The following PLEKHA5 variants were observed in gnomAD, a reference collection of about 807,000 sequenced individuals.
PLEKHA5 encodes the protein pleckstrin homology domain-containing family A member 5.
PLEKHA5 carries 55 observed loss-of-function variants against 181.9 expected under a neutral mutation model. That is an observed-to-expected ratio of 0.30 (90% confidence interval 0.24 to 0.38). The LOEUF is 0.38. PLEKHA5 is among the 10% of genes least tolerant of loss of function. PLEKHA5 has a pLI of 1.00. For missense variants in PLEKHA5, 1,432 were observed against 1,549.5 expected (o/e 0.92, Z 1.27); for synonymous variants, 535 against 529.4 (o/e 1.01, Z -0.15).
chr12:19,287,091 G>A (rs1173048722), intron 12 of PLEKHA5, among the ~76,000 whole-genome samples: 2 of 151,964 alleles, frequency 1.3e-5, no homozygotes, highest in Non-Finnish European at 2.9e-5. Flanking sequence ...TCTGCCTCCC[G>A]GGGTCAAGCA....
chr12:19,363,455 T>C (rs910239257), intron 29 of PLEKHA5, among the ~76,000 whole-genome samples: 6 of 145,780 alleles, frequency 4.1e-5, no homozygotes, highest in East Asian at 2.1e-4. Flanking sequence ...GCGTGAGCCA[T>C]CGTGCCTGGC....
At chr12:19,359,649 G>T in intron 28 of PLEKHA5, 103 bp downstream of exon 28, 1 of 1,162,226 alleles carries the variant, frequency 8.6e-7, no homozygotes, top group East Asian at 2.5e-5. Context: ...CAGTCACAGA[G>T]TCCATAGAGC....
At chr12:19,152,366 G>A (rs1383640144) in intron 3 of PLEKHA5, 1 of 152,164 alleles carries the variant, frequency 6.6e-6, no homozygotes, top group Non-Finnish European at 1.5e-5. Flanking sequence ...GAAACACCTG[G>A]AAATAATTTA....
Position 19,269,876 on chromosome 12 carries a change from CTG to C in PLEKHA5, c.821_822del (p.Val274GlufsTer6). On this transcript the variant is annotated frameshift_variant, in exon 9 of 32. Transcript: ENST00000429027. LOFTEE classifies it high-confidence loss of function. ...GATGCTGCCCTAGTACAGACAGAAC[CTG>C]TGAAAAGGTAAAGGCTTGTAGAAAA... 1 of 1,542,946 alleles carries C rather than the reference CTG, an allele frequency of 6.5e-7. No individual in the cohort carries two copies. The highest frequency in any genetic ancestry group is 9.0e-7 in the Non-Finnish European group (1 of 1,116,456).
intron 6 of PLEKHA5, among the ~76,000 whole-genome samples, chr12:19,259,785 TA>T (rs958709371): frequency 5.1e-5 from 4 of 78,770 alleles, no homozygotes; most frequent in Non-Finnish European, 1.3e-4. Flanking sequence ...ATTTGCCATT[TA>T]ATTTTTTTTT....
At chr12:19,237,298 T>G (rs555652608) in intron 3 of PLEKHA5, among the ~76,000 whole-genome samples, 5 of 152,304 alleles carry the variant, frequency 3.3e-5, no homozygotes, top group African/African-American at 1.2e-4. Context: ...GTCTTCCTCT[T>G]AGTCTCTCCT....
chr12:19,206,713 G>A (rs1406405357), intron 3 of PLEKHA5, among the ~76,000 whole-genome samples: 2 of 152,090 alleles, frequency 1.3e-5, no homozygotes, highest in African/African-American at 4.8e-5. Flanking sequence ...TGGCACATAT[G>A]AAGGAGGTGG....
chr12:19,370,080 T>C (rs975105852), intron 31 of PLEKHA5, among the ~76,000 whole-genome samples: 3 of 152,262 alleles, frequency 2.0e-5, no homozygotes, highest in African/African-American at 7.2e-5. Context: ...TGCAGTGTTG[T>C]GCAGCTGTGC....
intron 3 of PLEKHA5, among the ~76,000 whole-genome samples, chr12:19,190,599 C>G (rs767936156): frequency 2.6e-5 from 4 of 152,148 alleles, no homozygotes; most frequent in Non-Finnish European, 4.4e-5. Context: ...CTTGAAAGCC[C>G]AGCATATCTA....
At chr12:19,164,078 CTT>C (rs1565886832) in intron 3 of PLEKHA5, among the ~76,000 whole-genome samples, 2 of 152,038 alleles carry the variant, frequency 1.3e-5, no homozygotes, top group African/African-American at 4.8e-5. Flanking sequence ...ACTCTTTTCA[CTT>C]TGTTTTATTT....
chr12:19,330,369 A>G (rs2092721908), intron 20 of PLEKHA5, among the ~76,000 whole-genome samples: 1 of 152,176 alleles, frequency 6.6e-6, no homozygotes, highest in Non-Finnish European at 1.5e-5. Flanking sequence ...CTCACTTTAT[A>G]CAGTTTGAGT....
intron 3 of PLEKHA5, among the ~76,000 whole-genome samples, chr12:19,234,109 C>T (rs2061037864): frequency 6.6e-6 from 1 of 152,166 alleles, no homozygotes; most frequent in Admixed American, 6.5e-5. Flanking sequence ...TTTAACAGGG[C>T]ATCCTTTTTA....
chr12:19,219,592 T>C (rs1188971785), intron 3 of PLEKHA5, among the ~76,000 whole-genome samples: 2 of 152,010 alleles, frequency 1.3e-5, no homozygotes, highest in East Asian at 1.9e-4. Flanking sequence ...ATTGAATACT[T>C]ATAGGTTACC....
intron 7 of PLEKHA5, among the ~76,000 whole-genome samples, chr12:19,264,512 T>G (rs888401297): frequency 3.9e-5 from 6 of 152,214 alleles, no homozygotes; most frequent in African/African-American, 7.2e-5. Flanking sequence ...TCTTTTAAAT[T>G]GTCACATTCT....
chr12:19,178,827 TA>T (rs2047900035), intron 3 of PLEKHA5, among the ~76,000 whole-genome samples: 1 of 152,016 alleles, frequency 6.6e-6, no homozygotes, highest in East Asian at 1.9e-4. Context: ...ACAACAAAAA[TA>T]AAAAACAAAC....
At chr12:19,194,267 A>G (rs574085587) in intron 3 of PLEKHA5, among the ~76,000 whole-genome samples, 3 of 152,336 alleles carry the variant, frequency 2.0e-5, no homozygotes, top group African/African-American at 7.2e-5. Flanking sequence ...TTGCTGCGAA[A>G]GAAATGATTT....
intron 11 of PLEKHA5, among the ~76,000 whole-genome samples, chr12:19,278,772 T>C (rs1479502077): frequency 1.3e-5 from 2 of 152,074 alleles, no homozygotes; most frequent in African/African-American, 4.8e-5. Flanking sequence ...CTCTTTATAC[T>C]GGTTATATAA....
intron 8 of PLEKHA5, among the ~76,000 whole-genome samples, chr12:19,267,882 C>T (rs1476671768): frequency 6.6e-6 from 1 of 151,822 alleles, no homozygotes; most frequent in Non-Finnish European, 1.5e-5. Flanking sequence ...ATCACTTGAA[C>T]CTGGGAGGCG....
At chr12:19,242,663 A>G (rs189690563) in intron 3 of PLEKHA5, among the ~76,000 whole-genome samples, 1 of 151,504 alleles carries the variant, frequency 6.6e-6, no homozygotes, top group East Asian at 1.9e-4. Flanking sequence ...TGAGCTTTTT[A>G]TGTTTTGAAC....
Sources: gnomAD v4.1 joint callset for allele counts (sites outside exome capture counted in the v4.1 genomes callset) on GRCh38, gnomAD v4.1.1 for gene constraint, MANE v1.5 for transcripts, NCBI Gene and HGNC (gene_info 2026-07-23, HGNC 2026-07-21) for gene names.